The following SGCZ variants were observed in gnomAD, a reference collection of about 807,000 sequenced individuals.
The protein encoded by SGCZ is sarcoglycan zeta.
SGCZ carries 40 observed loss-of-function variants against 41.3 expected under a neutral mutation model. The observed-to-expected ratio is 0.97, with a 90% confidence interval of 0.75 to 1.26. The LOEUF (loss-of-function observed/expected upper bound fraction) is 1.26. Among genes scored for constraint, SGCZ ranks in the 50% most tolerant of loss-of-function variants. The probability of loss-of-function intolerance (pLI) is 0.00; values close to 1 mark genes in which losing one functional copy is unlikely to be tolerated. For missense variants in SGCZ, 552 were observed against 369.8 expected, an observed-to-expected ratio of 1.49 and a Z score of -4.04; for synonymous variants, 206 against 137.5, an observed-to-expected ratio of 1.50 and a Z score of -3.49.
At chr8:14,196,356 T>C (rs563408300) in intron 4 of SGCZ, among the ~76,000 whole-genome samples, 20 of 152,004 alleles carry the variant, frequency 1.3e-4, no homozygotes, top group African/African-American at 4.8e-4. Context: ...TTCCGCCTCC[T>C]GGGTTCAAGT....
intron 1 of SGCZ, among the ~76,000 whole-genome samples, chr8:15,222,553 A>G (rs1156917928): frequency 6.6e-6 from 1 of 152,196 alleles, no homozygotes; most frequent in Non-Finnish European, 1.5e-5. Context: ...TTTTACCAGT[A>G]GTTGTCTATC....
intron 2 of SGCZ, among the ~76,000 whole-genome samples, chr8:14,394,157 T>G (rs10090487): frequency 0.19 from 18,629 of 99,172 alleles, 2,882 homozygotes; most frequent in African/African-American, 0.38. Context: ...TTTTTTTTTT[T>G]TTTTTTTTTT....
chr8:14,502,021 T>G (rs1802170480), intron 2 of SGCZ, among the ~76,000 whole-genome samples: 1 of 152,070 alleles, frequency 6.6e-6, no homozygotes, highest in Non-Finnish European at 1.5e-5. Context: ...TTTAAAAAAG[T>G]AATTAGAAAT....
chr8:14,489,093 C>T (rs1801766182), intron 2 of SGCZ, among the ~76,000 whole-genome samples: 1 of 151,166 alleles, frequency 6.6e-6, no homozygotes, highest in African/African-American at 2.4e-5. Flanking sequence ...TTTTTTCAGG[C>T]TTTTAATTTT....
intron 1 of SGCZ, among the ~76,000 whole-genome samples, chr8:14,836,413 A>G (rs1260436653): frequency 6.6e-6 from 1 of 152,192 alleles, no homozygotes; most frequent in African/African-American, 2.4e-5. Flanking sequence ...GTGTTATGTT[A>G]CATTTTATTT....
At chr8:14,667,896 T>C (rs189872504) in intron 1 of SGCZ, among the ~76,000 whole-genome samples, 2 of 152,168 alleles carry the variant, frequency 1.3e-5, no homozygotes, top group Non-Finnish European at 2.9e-5. Context: ...CTCTCTTAGA[T>C]ACCTAGAGTT....
chr8:14,776,996 C>A (rs1398464308), intron 1 of SGCZ, among the ~76,000 whole-genome samples: 2 of 152,180 alleles, frequency 1.3e-5, no homozygotes, highest in East Asian at 3.9e-4. Flanking sequence ...AATGTTCAGA[C>A]AGCATCAGAA....
chr8:14,733,582 C>T (rs891323737), intron 1 of SGCZ, among the ~76,000 whole-genome samples: 2 of 152,110 alleles, frequency 1.3e-5, no homozygotes, highest in Non-Finnish European at 2.9e-5. Flanking sequence ...TGAATCTTTT[C>T]TTGTTAAATC....
At chr8:14,336,705 T>C (rs774267888) in intron 2 of SGCZ, among the ~76,000 whole-genome samples, 13 of 152,186 alleles carry the variant, frequency 8.5e-5, no homozygotes, top group Non-Finnish European at 1.5e-4. Context: ...CTTTTGAATT[T>C]GAGACAAAGG....
At chr8:14,303,690 A>G (rs1260625605) in intron 3 of SGCZ, among the ~76,000 whole-genome samples, 2 of 152,124 alleles carry the variant, frequency 1.3e-5, no homozygotes, top group African/African-American at 4.8e-5. Flanking sequence ...TAGTGAAAAT[A>G]TTAGCCAATT....
chr8:15,022,689 A>ATCTTGATGATCCT, intron 1 of SGCZ, among the ~76,000 whole-genome samples: 1 of 152,164 alleles, frequency 6.6e-6, no homozygotes, highest in East Asian at 1.9e-4. Flanking sequence ...TTGATGATAC[A>ATCTTGATGATCCT]GGATCAGTAT....
intron 1 of SGCZ, among the ~76,000 whole-genome samples, chr8:14,837,095 C>A (rs1464646388): frequency 6.6e-6 from 1 of 152,158 alleles, no homozygotes; most frequent in Non-Finnish European, 1.5e-5. Context: ...TTGCCAGACA[C>A]AAATTTTGTC....
intron 1 of SGCZ, among the ~76,000 whole-genome samples, chr8:15,002,324 G>A (rs1247268170): frequency 1.3e-5 from 2 of 152,066 alleles, no homozygotes; most frequent in Non-Finnish European, 2.9e-5. Context: ...AAGATAGTAA[G>A]GAAATGTATA....
At chr8:15,094,140 A>C (rs1293452723) in intron 1 of SGCZ, among the ~76,000 whole-genome samples, 1 of 151,636 alleles carries the variant, frequency 6.6e-6, no homozygotes, top group East Asian at 1.9e-4. Flanking sequence ...GTTTTTTTTA[A>C]ATTTTTTTTT....
intron 2 of SGCZ, among the ~76,000 whole-genome samples, chr8:14,468,551 T>C (rs1801116605): frequency 6.6e-6 from 1 of 152,118 alleles, no homozygotes; most frequent in South Asian, 2.1e-4. Flanking sequence ...GTGCCTCATC[T>C]AACTCCACAA....
At chr8:14,110,985 C>G (rs1257349790) in intron 5 of SGCZ, among the ~76,000 whole-genome samples, 3 of 151,890 alleles carry the variant, frequency 2.0e-5, no homozygotes, top group Non-Finnish European at 4.4e-5. Flanking sequence ...ACCTGGGAGG[C>G]AAAGGTTGCA....
chr8:14,099,133 TATTG>T (rs1312115513), intron 7 of SGCZ, among the ~76,000 whole-genome samples: 4 of 152,186 alleles, frequency 2.6e-5, no homozygotes, highest in Non-Finnish European at 5.9e-5. Context: ...GGCTGCTATA[TATTG>T]ATTCTTTCCA....
At chr8:15,186,134 C>T (rs925196843) in intron 1 of SGCZ, among the ~76,000 whole-genome samples, 6 of 149,746 alleles carry the variant, frequency 4.0e-5, no homozygotes, top group Non-Finnish European at 8.9e-5. Flanking sequence ...TGGCGGAGGG[C>T]GCCTGTAGTC....
At chr8:15,070,474 A>T (rs1805309279) in intron 1 of SGCZ, among the ~76,000 whole-genome samples, 1 of 152,186 alleles carries the variant, frequency 6.6e-6, no homozygotes, top group Non-Finnish European at 1.5e-5. Flanking sequence ...AATATATAAT[A>T]ATTGACTGGG....
Sources: gnomAD v4.1 joint callset for allele counts (sites outside exome capture counted in the v4.1 genomes callset) on GRCh38, gnomAD v4.1.1 for gene constraint, MANE v1.5 for transcripts, NCBI Gene and HGNC (gene_info 2026-07-23, HGNC 2026-07-21) for gene names.